Variants in ZNF503 observed in about 807,000 individuals in gnomAD.
ZNF503 encodes zinc finger protein 503.
Under a neutral mutation model 34.4 loss-of-function variants are expected in ZNF503, and 15 were observed. The observed-to-expected ratio is 0.44, with a 90% confidence interval of 0.29 to 0.67. The LOEUF is 0.67. Among genes scored for constraint, ZNF503 ranks in the 30% least tolerant of loss-of-function variants. The pLI is 0.13. For missense variants in ZNF503, 1,007 were observed against 926.8 expected (o/e 1.09, Z -1.12); for synonymous variants, 580 against 456.8 (o/e 1.27, Z -3.44).
the ZNF503 span, among the ~76,000 whole-genome samples, chr10:75,381,666 T>C: frequency 3.0e-4 from 46 of 152,250 alleles, no homozygotes; most frequent in East Asian, 7.9e-3. Context: ...ACTTTGAGTC[T>C]CTGATAACTT....
the ZNF503 span, among the ~76,000 whole-genome samples, chr10:75,282,434 G>T: frequency 6.6e-6 from 1 of 151,428 alleles, no homozygotes; most frequent in Admixed American, 6.6e-5. Context: ...AGAATGCAAG[G>T]ATGGTGAAGC....
At chr10:75,400,692 C>G (rs1645341710) in intron 1 of ZNF503, among the ~76,000 whole-genome samples, 2 of 152,202 alleles carry the variant, frequency 1.3e-5, no homozygotes, top group Non-Finnish European at 1.5e-5. Context: ...AACTGTACCC[C>G]CTCCCCACAA....
chr10:75,335,420 G>T, the ZNF503 span, among the ~76,000 whole-genome samples: 1 of 152,186 alleles, frequency 6.6e-6, no homozygotes, highest in African/African-American at 2.4e-5. Flanking sequence ...TGGTAGAATA[G>T]CAGGGTAATC....
the ZNF503 span, among the ~76,000 whole-genome samples, chr10:75,309,639 A>G: frequency 6.6e-5 from 10 of 152,346 alleles, no homozygotes; most frequent in Non-Finnish European, 1.2e-4. Flanking sequence ...AAACTACAGT[A>G]TAATTTGAAT....
the ZNF503 span, among the ~76,000 whole-genome samples, chr10:75,383,305 A>G: frequency 6.6e-6 from 1 of 152,156 alleles, no homozygotes. Flanking sequence ...AGAAAACTCT[A>G]TTCTAGGGTG....
chr10:75,345,433 G>A, the ZNF503 span, among the ~76,000 whole-genome samples: 2 of 151,954 alleles, frequency 1.3e-5, no homozygotes, highest in African/African-American at 2.4e-5. Flanking sequence ...TCAGGAGTTC[G>A]AGACCAGACT....
the ZNF503 span, among the ~76,000 whole-genome samples, chr10:75,373,910 G>C: frequency 6.6e-6 from 1 of 152,300 alleles, no homozygotes; most frequent in South Asian, 2.1e-4. Context: ...TCCAGGACAG[G>C]TGTGGCCAGC....
At chr10:75,369,870 C>T in the ZNF503 span, among the ~76,000 whole-genome samples, 1 of 152,028 alleles carries the variant, frequency 6.6e-6, no homozygotes, top group East Asian at 1.9e-4. Flanking sequence ...AGTTCGAGAC[C>T]AGCCTGGCCA....
the ZNF503 span, among the ~76,000 whole-genome samples, chr10:75,326,392 T>C: frequency 8.5e-5 from 13 of 152,168 alleles, no homozygotes; most frequent in Non-Finnish European, 1.5e-4. Context: ...CTTTCTTTCT[T>C]TTCTTGATAT....
At chr10:75,325,382 G>C in the ZNF503 span, among the ~76,000 whole-genome samples, 1 of 150,270 alleles carries the variant, frequency 6.7e-6, no homozygotes, top group African/African-American at 2.4e-5. Flanking sequence ...CCAGAGTGTA[G>C]TAGCACAATC....
chr10:75,344,906 T>C, the ZNF503 span, among the ~76,000 whole-genome samples: 3 of 152,354 alleles, frequency 2.0e-5, no homozygotes, highest in South Asian at 6.2e-4. Flanking sequence ...TCTCCAATCA[T>C]GTAGCCTCTG....
the ZNF503 span, among the ~76,000 whole-genome samples, chr10:75,327,364 T>C: frequency 6.6e-6 from 1 of 152,226 alleles, no homozygotes; most frequent in African/African-American, 2.4e-5. Context: ...TTTGTATTTC[T>C]GTGTCTGGCT....
chr10:75,328,402 TA>T, the ZNF503 span, among the ~76,000 whole-genome samples: 1 of 152,212 alleles, frequency 6.6e-6, no homozygotes, highest in African/African-American at 2.4e-5. Flanking sequence ...CAGTTGGCTG[TA>T]AACACATATA....
chr10:75,370,825 T>C, the ZNF503 span, among the ~76,000 whole-genome samples: 1 of 146,248 alleles, frequency 6.8e-6, no homozygotes, highest in South Asian at 2.2e-4. Context: ...AAATTCCCAT[T>C]GTTTTACAGT....
the ZNF503 span, among the ~76,000 whole-genome samples, chr10:75,341,063 G>T: frequency 8.5e-5 from 13 of 152,202 alleles, no homozygotes; most frequent in African/African-American, 2.7e-4. Context: ...AGACTGCACT[G>T]TGTGGACGCC....
chr10:75,379,933 G>A, the ZNF503 span, among the ~76,000 whole-genome samples: 2 of 152,178 alleles, frequency 1.3e-5, no homozygotes, highest in Admixed American at 6.5e-5. Context: ...TCCAGGCGGG[G>A]TGGGAGGGGG....
intron 1 of ZNF503, chr10:75,400,880 G>A (rs1843792519): frequency 8.9e-6 from 6 of 672,990 alleles, no homozygotes; most frequent in African/African-American, 3.6e-5. Context: ...CATATCGAAA[G>A]GAGAAACAAG....
chr10:75,364,443 T>C, the ZNF503 span, among the ~76,000 whole-genome samples: 1 of 152,184 alleles, frequency 6.6e-6, no homozygotes, highest in East Asian at 1.9e-4. Context: ...GAAAGCTCTC[T>C]AAGGACAGCC....
the ZNF503 span, among the ~76,000 whole-genome samples, chr10:75,302,052 G>A: frequency 6.6e-6 from 1 of 152,316 alleles, no homozygotes; most frequent in East Asian, 1.9e-4. Flanking sequence ...AGGCAGACAT[G>A]CTAGCAACAT....
Sources: allele counts gnomAD v4.1 joint callset (sites outside exome capture counted in the v4.1 genomes callset), GRCh38; gene constraint gnomAD v4.1.1; transcripts MANE v1.5; gene names NCBI Gene and HGNC (gene_info 2026-07-23, HGNC 2026-07-21).